Variants in FHIT observed in about 807,000 individuals in gnomAD.
FHIT encodes the protein bis(5'-adenosyl)-triphosphatase.
In FHIT, 19 loss-of-function variants were observed where a neutral mutation model predicts 17.9. The observed-to-expected ratio is 1.06, with a 90% CI of 0.74 to 1.56. The LOEUF (loss-of-function observed/expected upper bound fraction) is 1.56. Ranked by LOEUF, FHIT falls within the 40% of genes most tolerant of loss-of-function variation. The pLI, the probability that FHIT is intolerant of heterozygous loss-of-function variation, is 0.00. For missense variants in FHIT, 248 were observed against 189.2 expected (o/e 1.31, Z -1.82); for synonymous variants, 81 against 69.7 (o/e 1.16, Z -0.81).
chr3:60,604,805 G>A (rs975808001), intron 4 of FHIT, among the ~76,000 whole-genome samples: 8 of 152,106 alleles, frequency 5.3e-5, no homozygotes, highest in Non-Finnish European at 1.0e-4. Flanking sequence ...AGAATAGTGG[G>A]CAAACTGAGA....
intron 5 of FHIT, among the ~76,000 whole-genome samples, chr3:60,378,590 G>A (rs1260720515): frequency 2.0e-5 from 3 of 152,096 alleles, no homozygotes; most frequent in Non-Finnish European, 4.4e-5. Flanking sequence ...AATAATTTAA[G>A]GAAAGGAAGT....
chr3:61,191,845 A>G (rs1316713951), intron 2 of FHIT, among the ~76,000 whole-genome samples: 1 of 151,980 alleles, frequency 6.6e-6, no homozygotes, highest in Non-Finnish European at 1.5e-5. Flanking sequence ...TGTATTTTCT[A>G]TGTGCACCAT....
chr3:60,985,206 T>C (rs975510756), intron 3 of FHIT, among the ~76,000 whole-genome samples: 4 of 152,186 alleles, frequency 2.6e-5, no homozygotes, highest in African/African-American at 9.6e-5. Flanking sequence ...GTTGCTATAA[T>C]CATTTTTGCC....
chr3:59,995,232 C>G (rs72877063), intron 7 of FHIT, among the ~76,000 whole-genome samples: 15,049 of 152,020 alleles, frequency 0.099, 902 homozygotes, highest in South Asian at 0.2. Flanking sequence ...AAAACCTTAT[C>G]AAATTTAAAA....
At chr3:60,804,810 C>A (rs1553733472) in intron 4 of FHIT, among the ~76,000 whole-genome samples, 2 of 152,234 alleles carry the variant, frequency 1.3e-5, no homozygotes, top group African/African-American at 4.8e-5. Context: ...TAAATCTCAT[C>A]ATCCTCCAAA....
intron 8 of FHIT, among the ~76,000 whole-genome samples, chr3:59,864,705 C>T (rs1010961815): frequency 6.6e-6 from 1 of 151,602 alleles, no homozygotes; most frequent in African/African-American, 2.4e-5. Context: ...GCATGCATTA[C>T]CCTCTCTCTG....
intron 4 of FHIT, among the ~76,000 whole-genome samples, chr3:60,771,539 A>C (rs1299700154): frequency 6.6e-6 from 1 of 152,198 alleles, no homozygotes; most frequent in African/African-American, 2.4e-5. Flanking sequence ...ACTTCCTGAG[A>C]GGGGGGTCTC....
At chr3:60,373,848 T>C (rs567227266) in intron 5 of FHIT, among the ~76,000 whole-genome samples, 71 of 152,254 alleles carry the variant, frequency 4.7e-4, no homozygotes, top group African/African-American at 1.6e-3. Flanking sequence ...GAAGAAAAGA[T>C]TAAAGGCAGA....
intron 5 of FHIT, among the ~76,000 whole-genome samples, chr3:60,066,701 G>A (rs1158629335): frequency 6.4e-5 from 8 of 124,730 alleles, no homozygotes; most frequent in Non-Finnish European, 1.1e-4. Context: ...CTGTCACCCA[G>A]GCTGGAGTGC....
chr3:60,273,885 T>G (rs939640070), intron 5 of FHIT, among the ~76,000 whole-genome samples: 1 of 152,096 alleles, frequency 6.6e-6, no homozygotes, highest in Non-Finnish European at 1.5e-5. Context: ...TTCTGAAACA[T>G]TTACAGAAAT....
chr3:60,835,045 T>C (rs1702485451), intron 3 of FHIT, among the ~76,000 whole-genome samples: 1 of 152,186 alleles, frequency 6.6e-6, no homozygotes, highest in Non-Finnish European at 1.5e-5. Context: ...TTTTCTCTAA[T>C]GCCTTCTCCT....
At chr3:60,531,941 C>A (rs1400540332) in intron 5 of FHIT, among the ~76,000 whole-genome samples, 2 of 152,140 alleles carry the variant, frequency 1.3e-5, no homozygotes, top group Admixed American at 6.5e-5. Context: ...TGGTAGCCAA[C>A]TTTTTATTTC....
chr3:59,994,891 T>C (rs1699442224), intron 7 of FHIT, among the ~76,000 whole-genome samples: 1 of 152,112 alleles, frequency 6.6e-6, no homozygotes, highest in Non-Finnish European at 1.5e-5. Flanking sequence ...CACCTGTTTC[T>C]ATTCTGCCTG....
intron 5 of FHIT, among the ~76,000 whole-genome samples, chr3:60,306,961 A>T (rs4679525): frequency 6.6e-6 from 1 of 152,150 alleles, no homozygotes; most frequent in East Asian, 1.9e-4. Flanking sequence ...TTCTTTTATA[A>T]TTAGGCAAAA....
At chr3:60,822,856 C>T (rs2106775932) in intron 3 of FHIT, among the ~76,000 whole-genome samples, 1 of 152,260 alleles carries the variant, frequency 6.6e-6, no homozygotes, top group South Asian at 2.1e-4. Context: ...AATGACAATG[C>T]ACTAATCCCC....
At chr3:60,802,028 C>A (rs1346941519) in intron 4 of FHIT, among the ~76,000 whole-genome samples, 52 of 152,144 alleles carry the variant, frequency 3.4e-4, no homozygotes, top group Admixed American at 3.4e-3. Context: ...AATATCCAAC[C>A]TTCCTGTTTA....
At chr3:60,002,158 T>A (rs1011329860) in intron 7 of FHIT, among the ~76,000 whole-genome samples, 2 of 152,086 alleles carry the variant, frequency 1.3e-5, no homozygotes, top group Non-Finnish European at 2.9e-5. Flanking sequence ...TCATGTAACG[T>A]CAGGAACCAG....
At chr3:59,817,763 C>T (rs1300240209) in intron 8 of FHIT, among the ~76,000 whole-genome samples, 2 of 152,074 alleles carry the variant, frequency 1.3e-5, no homozygotes, top group Non-Finnish European at 2.9e-5. Context: ...AGTTATCTCT[C>T]CAATCCAGAT....
At chr3:59,772,128 G>A (rs376974433) in intron 8 of FHIT, among the ~76,000 whole-genome samples, 4 of 152,172 alleles carry the variant, frequency 2.6e-5, no homozygotes, top group African/African-American at 9.6e-5. Context: ...CCACCACTGA[G>A]GGGGAGCTCT....
Sources: gnomAD v4.1 joint callset for allele counts (sites outside exome capture counted in the v4.1 genomes callset) on GRCh38, gnomAD v4.1.1 for gene constraint, MANE v1.5 for transcripts, NCBI Gene and HGNC (gene_info 2026-07-23, HGNC 2026-07-21) for gene names.